NR6A1: variants seen among roughly 807,000 people sequenced by gnomAD.
NR6A1 encodes the protein retinoic acid receptor-related testis-associated receptor.
Under a neutral mutation model 59.1 loss-of-function variants are expected in NR6A1, and 7 were observed. The ratio of observed to expected loss-of-function variants is 0.12; its 90% CI spans 0.07 to 0.22. The LOEUF (loss-of-function observed/expected upper bound fraction) is 0.22. NR6A1 is among the 10% of genes least tolerant of loss of function. The pLI is 1.00. For synonymous variants in NR6A1, 243 were observed against 236.1 expected (o/e 1.03, Z -0.27); for missense variants, 468 against 611.6 (o/e 0.77, Z 2.48).
chr9:124,739,896 T>C (rs991438104), intron 1 of NR6A1, among the ~76,000 whole-genome samples: 2 of 152,242 alleles, frequency 1.3e-5, no homozygotes, highest in Admixed American at 1.3e-4. Flanking sequence ...AACAGAGACA[T>C]GGACTCTGGT....
chr9:124,770,496 G>A (rs774905132), intron 1 of NR6A1, among the ~76,000 whole-genome samples: 2 of 151,568 alleles, frequency 1.3e-5, no homozygotes, highest in Middle Eastern at 3.2e-3. Context: ...CGGGTCAACA[G>A]GGCAAGAAGG....
intron 2 of NR6A1, among the ~76,000 whole-genome samples, chr9:124,583,708 G>A (rs1277452359): frequency 1.3e-5 from 2 of 152,146 alleles, no homozygotes; most frequent in Non-Finnish European, 2.9e-5. Context: ...TCAGGCATGT[G>A]CTCATGCTGC....
At chr9:124,720,907 G>A (rs1202976699) in intron 2 of NR6A1, among the ~76,000 whole-genome samples, 3 of 152,174 alleles carry the variant, frequency 2.0e-5, no homozygotes, top group Non-Finnish European at 4.4e-5. Flanking sequence ...TTCAAAAAAG[G>A]AAGAGAAGAA....
intron 1 of NR6A1, among the ~76,000 whole-genome samples, chr9:124,739,735 T>C (rs1006678820): frequency 2.0e-5 from 3 of 152,258 alleles, no homozygotes; most frequent in Non-Finnish European, 4.4e-5. Context: ...GACTATAAAA[T>C]TGTAAATTTA....
At chr9:124,598,660 A>C (rs1044898837) in intron 2 of NR6A1, 42 of 396,472 alleles carry the variant, frequency 1.1e-4, no homozygotes, top group South Asian at 1.8e-4. Flanking sequence ...AAAAAAAAAA[A>C]AAAAAAAAAC....
At chr9:124,633,842 G>T (rs78758654) in intron 2 of NR6A1, among the ~76,000 whole-genome samples, 5,833 of 152,262 alleles carry the variant, frequency 0.038, 326 homozygotes, top group African/African-American at 0.12. Flanking sequence ...CCTCCATGTG[G>T]ACTGCCTATA....
intron 2 of NR6A1, among the ~76,000 whole-genome samples, chr9:124,673,554 G>C (rs1352983098): frequency 6.6e-6 from 1 of 152,118 alleles, no homozygotes; most frequent in Non-Finnish European, 1.5e-5. Flanking sequence ...GGCTGAGGCA[G>C]AAATAAATAT....
At chr9:124,692,354 C>T (rs1838579098) in intron 2 of NR6A1, 5 of 373,780 alleles carry the variant, frequency 1.3e-5, no homozygotes, top group Admixed American at 2.7e-5. Flanking sequence ...TAAATACTCT[C>T]GACTTGAAAC....
chr9:124,633,274 G>C (rs970069649), intron 2 of NR6A1, among the ~76,000 whole-genome samples: 12 of 151,650 alleles, frequency 7.9e-5, no homozygotes, highest in Non-Finnish European at 1.8e-4. Context: ...ATGGTGGCGC[G>C]CGCCTGTAGT....
chr9:124,770,556 T>G (rs1188102074), intron 1 of NR6A1, among the ~76,000 whole-genome samples: 1 of 144,164 alleles, frequency 6.9e-6, no homozygotes, highest in Non-Finnish European at 1.5e-5. Context: ...AGAGAGGCTC[T>G]GCGTTAAGGG....
intron 2 of NR6A1, among the ~76,000 whole-genome samples, chr9:124,645,550 G>C (rs1014216412): frequency 1.3e-5 from 2 of 152,166 alleles, no homozygotes; most frequent in Admixed American, 1.3e-4. Context: ...AGGAGAAAGA[G>C]GGGCATTACT....
intron 2 of NR6A1, among the ~76,000 whole-genome samples, chr9:124,645,475 G>C (rs182274665): frequency 6.6e-6 from 1 of 152,278 alleles, no homozygotes; most frequent in East Asian, 1.9e-4. Context: ...AACACCAACT[G>C]AAAGAAAGTG....
intron 7 of NR6A1, 127 bp from the exon 8 acceptor site, chr9:124,527,027 T>C: frequency 8.8e-7 from 1 of 1,137,632 alleles, no homozygotes; most frequent in Admixed American, 2.2e-5. Flanking sequence ...CAAAGCCACT[T>C]GGGAAGTACA....
intron 6 of NR6A1, among the ~76,000 whole-genome samples, chr9:124,537,064 A>G (rs1226020876): frequency 1.4e-5 from 2 of 145,496 alleles, no homozygotes; most frequent in Non-Finnish European, 3.0e-5. Flanking sequence ...ACACTCCCAC[A>G]TCTAAATTTT....
intron 2 of NR6A1, among the ~76,000 whole-genome samples, chr9:124,695,613 GCCCGCCT>G (rs1838727149): frequency 6.6e-6 from 1 of 152,030 alleles, no homozygotes; most frequent in South Asian, 2.1e-4. Flanking sequence ...CAAGTGATCC[GCCCGCCT>G]CGGCCGCCCA....
chr9:124,708,563 AG>A (rs553526863), intron 2 of NR6A1, among the ~76,000 whole-genome samples: 87 of 152,348 alleles, frequency 5.7e-4, no homozygotes, highest in African/African-American at 1.9e-3. Flanking sequence ...AAACTTCCAG[AG>A]GAAGGCAGAG....
At chr9:124,598,797 CTT>C (rs905297357) in intron 2 of NR6A1, 3 of 898,248 alleles carry the variant, frequency 3.3e-6, no homozygotes, top group Non-Finnish European at 5.5e-6. Flanking sequence ...GGCATGATCG[CTT>C]TTTTGCCGGA....
At chr9:124,704,261 G>C (rs1209699601) in intron 2 of NR6A1, among the ~76,000 whole-genome samples, 2 of 152,108 alleles carry the variant, frequency 1.3e-5, no homozygotes, top group African/African-American at 4.8e-5. Context: ...TATTTCCTTA[G>C]TCTTGGTAGG....
chr9:124,644,400 C>T (rs576341989), intron 2 of NR6A1, among the ~76,000 whole-genome samples: 6 of 150,832 alleles, frequency 4.0e-5, no homozygotes, highest in East Asian at 3.9e-4. Flanking sequence ...TACAGGCATG[C>T]GCCACTACCC....
Sources: gnomAD v4.1 joint callset for allele counts (sites outside exome capture counted in the v4.1 genomes callset) on GRCh38, gnomAD v4.1.1 for gene constraint, MANE v1.5 for transcripts, NCBI Gene and HGNC (gene_info 2026-07-23, HGNC 2026-07-21) for gene names.